The following VPS26C variants were observed in gnomAD, a reference collection of about 807,000 sequenced individuals.
The protein encoded by VPS26C is VPS26 endosomal protein sorting factor C.
In VPS26C, 19 loss-of-function variants were observed where a neutral mutation model predicts 30.6. The ratio of observed to expected loss-of-function variants is 0.62; its 90% CI spans 0.43 to 0.91. VPS26C has a LOEUF of 0.91. VPS26C is among the 40% of genes least tolerant of loss of function. The pLI is 0.00. For synonymous variants in VPS26C, 132 were observed against 151.5 expected, an observed-to-expected ratio of 0.87 and a Z score of 0.95; for missense variants, 318 against 385.1, an observed-to-expected ratio of 0.83 and a Z score of 1.46.
In VPS26C at chr21:37,267,331, G is replaced by A. The variant is rs748394701; in HGVS notation, c.-37C>T. ...CGCAGCAGCCGCCACTTCCGGCTGC[G>A]CGTGACCCCAGGGAAACAAGGGGCG... On this transcript the variant is annotated 5_prime_UTR_variant, in exon 1 of 8. Transcript: ENST00000309117. The A allele has an allele frequency of 8.1e-6, 13 of 1,598,564 alleles. 1 individual carries two copies. The Admixed American group carries it at 2.2e-4, about 27-fold the overall frequency.
chr21:37,238,215 C>A, intron 3 of VPS26C: 1 of 475,604 alleles, frequency 2.1e-6, no homozygotes, highest in Non-Finnish European at 3.7e-6. Flanking sequence ...GAAAAGAGCC[C>A]AGAAGAAACA....
Position 37,225,376 on chromosome 21 carries a change from G to C in VPS26C, c.*168C>G, listed in dbSNP as rs565908214. ...TTAGAGGTGCCTGTTGGAAGCAGAA[G>C]CCTCAAGAAATGAGGAAGGAAAGTT... On this transcript the variant is annotated 3_prime_UTR_variant, in exon 8 of 8. Coordinates refer to ENST00000309117, the MANE Select transcript of VPS26C (RefSeq NM_006052.2). The C allele has an allele frequency of 8.0e-6, 5 of 627,948 alleles. No homozygotes were observed. Among genetic ancestry groups the C allele is most frequent in the African/African-American group, 3.6e-5 (2 of 54,906 alleles). The allele number at this position is 627,948 out of a possible 1,614,324, so 38.9% of individuals were successfully genotyped here.
At chr21:37,253,217 T>TAG (rs2086211504) in intron 1 of VPS26C, among the ~76,000 whole-genome samples, 1 of 152,186 alleles carries the variant, frequency 6.6e-6, no homozygotes, top group Non-Finnish European at 1.5e-5. Flanking sequence ...GCTGCCAATA[T>TAG]AGAGAAATAA....
upstream of VPS26C, chr21:37,267,528 A>G (rs1055472961): frequency 2.8e-5 from 16 of 565,384 alleles, no homozygotes; most frequent in Non-Finnish European, 4.7e-5. Context: ...GTCACGGTTC[A>G]CCCCGCCCCC....
intron 1 of VPS26C, 58 bp downstream of exon 1, chr21:37,267,180 G>A (rs945623791): frequency 8.5e-6 from 12 of 1,406,642 alleles, no homozygotes; most frequent in African/African-American, 1.4e-5. Flanking sequence ...GATGGAGACA[G>A]CGGAACCTGC....
chr21:37,266,137 C>T (rs370879260), intron 1 of VPS26C, among the ~76,000 whole-genome samples: 13 of 151,904 alleles, frequency 8.6e-5, no homozygotes, highest in East Asian at 7.7e-4. Flanking sequence ...AGGCTGGTCT[C>T]GAACTCCTGA....
At chr21:37,232,700 A>C in intron 4 of VPS26C, 1 of 577,932 alleles carries the variant, frequency 1.7e-6, no homozygotes. Flanking sequence ...CAGATTCAGA[A>C]TTTTAAAATC....
At chr21:37,267,131 A>AGCCCT in intron 1 of VPS26C, 107 bp downstream of exon 1, 1 of 1,034,686 alleles carries the variant, frequency 9.7e-7, no homozygotes, top group Non-Finnish European at 1.5e-6. Context: ...CTGGCGGGAC[A>AGCCCT]GCCCTGCCCC....
chr21:37,258,453 A>G (rs1164481001), intron 1 of VPS26C, among the ~76,000 whole-genome samples: 1 of 152,204 alleles, frequency 6.6e-6, no homozygotes, highest in Admixed American at 6.5e-5. Flanking sequence ...CCCGAACCTG[A>G]TGAACGCGCG....
chr21:37,237,979 G>A (rs116448104), intron 3 of VPS26C, among the ~76,000 whole-genome samples: 1,711 of 152,298 alleles, frequency 0.011, 32 homozygotes, highest in African/African-American at 0.038. Flanking sequence ...TGTCAAAGAC[G>A]TCCCTTAACC....
intron 1 of VPS26C, among the ~76,000 whole-genome samples, chr21:37,251,163 C>T (rs527379315): frequency 1.3e-5 from 2 of 152,248 alleles, no homozygotes; most frequent in South Asian, 2.1e-4. Context: ...GTTGCAACCT[C>T]GTGCCGGCTA....
intron 2 of VPS26C, among the ~76,000 whole-genome samples, chr21:37,239,469 G>A (rs2086061063): frequency 6.6e-6 from 1 of 152,286 alleles, no homozygotes; most frequent in South Asian, 2.1e-4. Flanking sequence ...AAAAACAACA[G>A]TTACTTGCTC....
Position 37,238,553 on chromosome 21 carries a change from G to A in VPS26C, c.258C>T (p.Ser86=), listed in dbSNP as rs771667811. The A allele has an allele frequency of 2.0e-5, 32 of 1,614,048 alleles. No homozygotes were observed. Among genetic ancestry groups the A allele is most frequent in the Middle Eastern group, 1.6e-4 (1 of 6,084 alleles). ...ATTCAAAAGGGATTTCTGTTTTGCC[G>A]CTGGGAAATTTCCCCGGCTTCACCA... is the stretch of plus-strand genomic sequence containing the variant. The part of the protein sequence containing the change: ...IEMVKPGKFP[S]GKTEIPFEFP... The change falls in exon 3 of 8, where the codon AGC becomes AGT. Residue 86 remains serine, a synonymous_variant. Coordinates refer to ENST00000309117, the MANE Select transcript of VPS26C (RefSeq NM_006052.2).
intron 1 of VPS26C, among the ~76,000 whole-genome samples, chr21:37,250,133 T>A (rs372779845): frequency 6.6e-6 from 1 of 151,840 alleles, no homozygotes; most frequent in Admixed American, 6.6e-5. Flanking sequence ...GTGAAACACC[T>A]TCTCTACTAA....
At chr21:37,267,546 G>A, upstream of VPS26C, 4 of 556,844 alleles carry the variant, frequency 7.2e-6, no homozygotes, top group Non-Finnish European at 9.5e-6. Flanking sequence ...CCCTCTGGGC[G>A]TGAAAGACGG....
rs1039122837 is a variant in VPS26C at position 37,267,241 on chromosome 21, G to A, written c.54C>T (p.Ala18=). ...CCCACCCCCAGCCCCCACTTACCCC[G>A]GCGTGATAAACTTTATTCGCTCTTT... ...KIKRANKVYH[A]GEVLSGVVVI... The change falls in exon 1 of 8, where the codon GCC becomes GCT. Residue 18 remains alanine (A), a synonymous_variant. Transcript: ENST00000309117. 2.0e-5 allele frequency: 5 copies of A among 248,570 alleles called. No individual in the cohort carries two copies. Among genetic ancestry groups the A allele is most frequent in the African/African-American group, 7.0e-5 (1 of 14,270 alleles). The allele number at this position is 248,570 out of a possible 1,614,324, so 15.4% of individuals were successfully genotyped here.
chr21:37,227,718 G>A lies in VPS26C; in HGVS notation c.747C>T (p.Pro249=). The change falls in exon 7 of 8, where the codon CCC becomes CCT. Residue 249 remains proline, a synonymous_variant. Transcript: ENST00000309117. ...ACAGCCTAGGGAAGACCATGTAGAT[G>A]GGGACAGAGAGGCCCCTGCACACAT... is the stretch of plus-strand genomic sequence containing the variant. ...DGDVCRGLSV[P]IYMVFPRLFT... 6.2e-7 allele frequency: 1 copy of A among 1,614,206 alleles called. No individual in the cohort carries two copies. The highest frequency in any genetic ancestry group is 8.5e-7 in the Non-Finnish European group (1 of 1,180,024).
At chr21:37,228,745 G>A (rs1171966442) in intron 5 of VPS26C, 1 of 171,608 alleles carries the variant, frequency 5.8e-6, no homozygotes, top group Non-Finnish European at 1.3e-5. Flanking sequence ...AAAAAGAAAA[G>A]TCCTGGCCAG....
intron 1 of VPS26C, among the ~76,000 whole-genome samples, chr21:37,263,936 G>A (rs750150587): frequency 6.6e-5 from 10 of 152,150 alleles, no homozygotes; most frequent in Non-Finnish European, 1.3e-4. Context: ...CAACCACAGC[G>A]CAAACTAGAT....
Sources: allele counts gnomAD v4.1 joint callset (sites outside exome capture counted in the v4.1 genomes callset), GRCh38; gene constraint gnomAD v4.1.1; transcripts MANE v1.5; gene names NCBI Gene and HGNC (gene_info 2026-07-23, HGNC 2026-07-21).